CZIB: variants seen among roughly 807,000 people sequenced by gnomAD.
CZIB encodes the protein UPF0587 protein C1orf123.
CZIB carries 26 observed loss-of-function variants against 28.3 expected under a neutral mutation model. That is an observed-to-expected ratio of 0.92 (90% CI 0.67 to 1.27). CZIB has a LOEUF of 1.27. Among genes scored for constraint, CZIB ranks in the 50% most tolerant of loss-of-function variants. The pLI, the probability that CZIB is intolerant of heterozygous loss-of-function variation, is 0.00. For synonymous variants in CZIB, 78 were observed against 71.1 expected, an observed-to-expected ratio of 1.10 and a Z score of -0.49; for missense variants, 179 against 197.3, an observed-to-expected ratio of 0.91 and a Z score of 0.56.
chr1:53,220,254 G>A lies in CZIB; in HGVS notation c.90+7C>T. The A allele has an allele frequency of 6.2e-7, 1 of 1,612,242 alleles. No individual in the cohort carries two copies. ...CCTCCTCTCCCCGGGCCCCGCCCCGGCCGCACCTTCAGGTACCACCGGAAG... is the reference window on the plus strand; with the variant it reads ...CCTCCTCTCCCCGGGCCCCGCCCCGACCGCACCTTCAGGTACCACCGGAAG... On this transcript the variant is annotated splice_region_variant and intron_variant, in intron 2 of 7. Coordinates refer to ENST00000294360, the MANE Select transcript of CZIB (RefSeq NM_017887.3).
At chr1:53,216,456 C>T (rs1448496810) in intron 6 of CZIB, among the ~76,000 whole-genome samples, 1 of 152,186 alleles carries the variant, frequency 6.6e-6, no homozygotes, top group Non-Finnish European at 1.5e-5. Context: ...TGAGCACCAG[C>T]TCAAGTCAGA....
rs1406138442 is a variant in CZIB at position 53,214,454 on chromosome 1, C to T, written c.*205G>A. On this transcript the variant is annotated 3_prime_UTR_variant, in exon 8 of 8. Coordinates refer to ENST00000294360, the MANE Select transcript of CZIB (RefSeq NM_017887.3). ...TGTGGAGGGAGTAGCTGCCTCCTTA[C>T]TTCACCTTCATGCACCAGTGCAGCG... 1.9e-6 allele frequency: 1 copy of T among 524,802 alleles called. No individual in the cohort carries two copies. Among genetic ancestry groups the T allele is most frequent in the South Asian group, 3.1e-5 (1 of 32,538 alleles). The allele number at this position is 524,802 out of a possible 1,614,324, so 32.5% of individuals were successfully genotyped here. A position where few individuals can be genotyped will look rare whatever the true frequency, so the allele number is the denominator to read the frequency against.
Position 53,216,817 on chromosome 1 carries a change from A to G in CZIB, c.304T>C (p.Cys102Arg). The change falls in exon 6 of 8, where the codon TGC becomes CGC. Residue 102 changes from cysteine to arginine, a missense_variant. Coordinates refer to ENST00000294360, the MANE Select transcript of CZIB (RefSeq NM_017887.3). Reference protein sequence around the residue: ...ENFKTIVEFECRGLEPVDFQP... With the variant: ...ENFKTIVEFERRGLEPVDFQP... Reference sequence around the variant, plus strand: ...AAATCAACTGGTTCAAGGCCCCGGCACTCAAACTCCACTATTGTCTTGAAG... The same window carrying G: ...AAATCAACTGGTTCAAGGCCCCGGCGCTCAAACTCCACTATTGTCTTGAAG... 6.2e-7 allele frequency: 1 copy of G among 1,614,180 alleles called. No individual in the cohort carries two copies. Among genetic ancestry groups the G allele is most frequent in the Non-Finnish European group, 8.5e-7 (1 of 1,180,012 alleles).
At chr1:53,216,678 G>A in intron 6 of CZIB, 104 bp downstream of exon 6, 1 of 1,039,938 alleles carries the variant, frequency 9.6e-7, no homozygotes, top group Non-Finnish European at 1.5e-6. Context: ...CCGCTAGAAA[G>A]GAGAATGTCT....
chr1:53,216,154 G>C (rs1253206825), intron 6 of CZIB, 98 bp from the exon 7 acceptor site: 1 of 1,138,812 alleles, frequency 8.8e-7, no homozygotes, highest in Non-Finnish European at 1.3e-6. Context: ...CACACTTCTG[G>C]GATGGAGGAC....
intron 7 of CZIB, 101 bp from the exon 8 acceptor site, chr1:53,214,837 A>G: frequency 1.1e-6 from 1 of 885,244 alleles, no homozygotes; most frequent in Non-Finnish European, 1.8e-6. Flanking sequence ...CTCTGACTCA[A>G]ATAATCATGA....
intron 7 of CZIB, 73 bp downstream of exon 7, chr1:53,215,918 G>T: frequency 6.8e-7 from 1 of 1,468,702 alleles, no homozygotes; most frequent in Non-Finnish European, 9.5e-7. Context: ...TTCCATTGAT[G>T]AGCCTTGTCC....
intron 3 of CZIB, 30 bp downstream of exon 3, chr1:53,218,837 T>G: frequency 6.3e-7 from 1 of 1,586,998 alleles, no homozygotes; most frequent in Non-Finnish European, 8.7e-7. Context: ...TGTGAGTGTT[T>G]ATGTTGGGGG....
chr1:53,216,725 T>C, intron 6 of CZIB, 57 bp downstream of exon 6: 1 of 1,477,090 alleles, frequency 6.8e-7, no homozygotes, highest in South Asian at 1.1e-5. Context: ...GTTCTGGCTG[T>C]CACTTCATAC....
intron 5 of CZIB, chr1:53,217,758 CA>C (rs1353059062): frequency 5.6e-6 from 1 of 178,526 alleles, no homozygotes; most frequent in African/African-American, 2.4e-5. Flanking sequence ...TTTCTTTAAA[CA>C]AACAGATCCA....
In CZIB at chr1:53,216,870, A is replaced by T; in HGVS notation, c.262-11T>A. ...CTCATTGTCTTCAGCCTAGAAAGGA[A>T]GTGTGTTGAGGAGGCAGGCCCAAAT... On this transcript the variant is annotated splice_polypyrimidine_tract_variant and intron_variant, in intron 5 of 7. Coordinates refer to ENST00000294360, the MANE Select transcript of CZIB (RefSeq NM_017887.3). The T allele has an allele frequency of 3.1e-6, 5 of 1,613,250 alleles. No homozygotes were observed. The highest frequency in any genetic ancestry group is 4.2e-6 in the Non-Finnish European group (5 of 1,179,186).
intron 3 of CZIB, 147 bp downstream of exon 3, chr1:53,218,720 T>A: frequency 1.2e-6 from 1 of 853,782 alleles, no homozygotes; most frequent in Non-Finnish European, 1.9e-6. Context: ...AATCCAGTGC[T>A]GATCACACTG....
chr1:53,219,120 G>A, intron 2 of CZIB, 197 bp from the exon 3 acceptor site: 1 of 600,402 alleles, frequency 1.7e-6, no homozygotes, highest in Non-Finnish European at 3.0e-6. Flanking sequence ...TGTTTCCTAT[G>A]CCGGCGTGCC....
At position 53,214,745 on chromosome 1, in the gene CZIB, C is replaced by CA; in HGVS notation, c.406-10dup. ...TCATAGTCAGTCCAGTCCTGGGAAA[C>CA]AAAATGGCATTGTTAGCCTCACAAC... On this transcript the variant is annotated splice_polypyrimidine_tract_variant and intron_variant, in intron 7 of 7. Transcript: ENST00000294360. 1 of 1,613,280 alleles carries CA rather than the reference C, an allele frequency of 6.2e-7. No individual in the cohort carries two copies. Among genetic ancestry groups the CA allele is most frequent in the Non-Finnish European group, 8.5e-7 (1 of 1,179,584 alleles).
chr1:53,219,026 T>C, intron 2 of CZIB, 103 bp from the exon 3 acceptor site: 1 of 945,322 alleles, frequency 1.1e-6, no homozygotes, highest in South Asian at 1.3e-5. Context: ...ATCTACCTTC[T>C]TGATGGCAAT....
In CZIB at chr1:53,214,382, CTCT is replaced by C; in HGVS notation, c.*274_*276del. 2 of 385,904 alleles carry C rather than the reference CTCT, an allele frequency of 5.2e-6. No homozygotes were observed. The highest frequency in any genetic ancestry group is 5.0e-5 in the South Asian group (1 of 20,170). 23.9% of individuals were successfully genotyped at this position (385,904 alleles called of 1,614,324 possible). A position where few individuals can be genotyped will look rare whatever the true frequency, so the allele number is the denominator to read the frequency against. On this transcript the variant is annotated 3_prime_UTR_variant, in exon 8 of 8. Transcript: ENST00000294360. ...GGGAGATACCATCTCCTTAAAAATA[CTCT>C]TCATTTTCCTAAGGAGTGAACTGCT... is the stretch of plus-strand genomic sequence containing the variant.
Position 53,216,003 on chromosome 1 carries a change from AT to A in CZIB, c.392del (p.Asn131IlefsTer28). 1 of 1,614,042 alleles carries A rather than the reference AT, an allele frequency of 6.2e-7. No homozygotes were observed. Among genetic ancestry groups the A allele is most frequent in the Non-Finnish European group, 8.5e-7 (1 of 1,179,914 alleles). On this transcript the variant is annotated frameshift_variant, in exon 7 of 8. Coordinates refer to ENST00000294360, the MANE Select transcript of CZIB (RefSeq NM_017887.3). LOFTEE classifies it high-confidence loss of function. ...CCAAGTCTCATACCTTCTCCTGCAG[AT>A]TAATGTCACTGAAGGCTGTCCCTGA... is the stretch of plus-strand genomic sequence containing the variant. ...VESGTAFSDI[N>X]LQEKDWTDYD...
chr1:53,219,214 G>T (rs1049561965), intron 2 of CZIB: 2 of 415,056 alleles, frequency 4.8e-6, no homozygotes, highest in Admixed American at 8.1e-5. Context: ...GGTGAGGGGG[G>T]GGAATATGGA....
chr1:53,220,458 C>T, intron 1 of CZIB, 112 bp downstream of exon 1: 1 of 1,579,980 alleles, frequency 6.3e-7, no homozygotes, highest in African/African-American at 1.3e-5. Context: ...CTTCTGCCTC[C>T]TGCTCCTTCA....
Sources: allele counts gnomAD v4.1 joint callset (sites outside exome capture counted in the v4.1 genomes callset), GRCh38; gene constraint gnomAD v4.1.1; transcripts MANE v1.5; gene names NCBI Gene and HGNC (gene_info 2026-07-23, HGNC 2026-07-21).